AEBP2: variants seen among roughly 807,000 people sequenced by gnomAD.
The protein encoded by AEBP2 is zinc finger protein AEBP2.
A neutral mutation model predicts 50.8 loss-of-function variants in AEBP2; 10 were observed. The ratio of observed to expected loss-of-function variants is 0.20; its 90% CI spans 0.12 to 0.33. The LOEUF (loss-of-function observed/expected upper bound fraction) is 0.33, where lower values mean the gene tolerates loss of function less well. AEBP2 is among the 10% of genes least tolerant of loss of function. The pLI, the probability that AEBP2 is intolerant of heterozygous loss-of-function variation, is 1.00. For missense variants in AEBP2, 570 were observed against 688.0 expected, an observed-to-expected ratio of 0.83 and a Z score of 1.92; for synonymous variants, 296 against 261.3, an observed-to-expected ratio of 1.13 and a Z score of -1.28.
intron 3 of AEBP2, among the ~76,000 whole-genome samples, chr12:19,486,807 T>C (rs1432885118): frequency 6.7e-6 from 1 of 150,228 alleles, no homozygotes. Context: ...TCTTTTCTTT[T>C]CTTTTTTTTT....
chr12:19,460,503 G>A (rs1461264574), intron 1 of AEBP2, among the ~76,000 whole-genome samples: 2 of 151,546 alleles, frequency 1.3e-5, no homozygotes, highest in South Asian at 4.2e-4. Flanking sequence ...ACAGGCGTGT[G>A]CCACCATGCC....
intron 5 of AEBP2, among the ~76,000 whole-genome samples, chr12:19,512,125 G>A (rs974155118): frequency 1.3e-5 from 2 of 152,002 alleles, no homozygotes; most frequent in African/African-American, 4.8e-5. Flanking sequence ...GGGTTCAAGT[G>A]ATTCTCCTGC....
intron 1 of AEBP2, among the ~76,000 whole-genome samples, chr12:19,411,655 G>A (rs193001710): frequency 1.2e-4 from 18 of 152,322 alleles, no homozygotes; most frequent in Non-Finnish European, 2.2e-4. Flanking sequence ...TTATTACTAT[G>A]ATTATTCTTC....
At chr12:19,503,981 G>A (rs1332483194) in intron 5 of AEBP2, among the ~76,000 whole-genome samples, 2 of 151,930 alleles carry the variant, frequency 1.3e-5, no homozygotes, top group Non-Finnish European at 2.9e-5. Flanking sequence ...ACAGGCATGA[G>A]CTACCACACC....
At chr12:19,457,980 A>G (rs1948301482) in intron 1 of AEBP2, among the ~76,000 whole-genome samples, 1 of 152,214 alleles carries the variant, frequency 6.6e-6, no homozygotes, top group Admixed American at 6.5e-5. Flanking sequence ...ATCAGGGTGT[A>G]TAGGTCTTCA....
In AEBP2 at chr12:19,440,349, G is replaced by T; in HGVS notation, c.650G>T (p.Ser217Ile). Residue 217 changes from serine (S) to isoleucine (I), a missense_variant, in exon 1 of 8, where the codon AGC becomes ATC. Physicochemically the swap from Ser to Ile is moderately radical, Grantham distance 142 (BLOSUM62 -2). This residue lies in a region of AEBP2 where 386 missense variants were observed against 336.8 expected (regional missense o/e 1.15). Transcript: ENST00000266508. ...LEMSSDGEPL[S>I]RMDSEDSISS... ...ATGTCGTCGGATGGGGAACCCCTGAGCCGCATGGACTCGGAGGACAGGTCA... is the reference window on the plus strand; with the variant it reads ...ATGTCGTCGGATGGGGAACCCCTGATCCGCATGGACTCGGAGGACAGGTCA... 1 of 1,470,964 alleles carries T rather than the reference G, an allele frequency of 6.8e-7. No individual in the cohort carries two copies. The allele number at this position is 1,470,964 out of a possible 1,614,324, so 91.1% of individuals were successfully genotyped here.
chr12:19,501,743 A>G (rs1949080290), intron 5 of AEBP2, among the ~76,000 whole-genome samples: 1 of 146,660 alleles, frequency 6.8e-6, no homozygotes, highest in Non-Finnish European at 1.5e-5. Flanking sequence ...ATTGATATCA[A>G]TATGTTGTTT....
intron 6 of AEBP2, among the ~76,000 whole-genome samples, chr12:19,513,588 G>A (rs1949269242): frequency 1.3e-5 from 2 of 151,988 alleles, no homozygotes; most frequent in South Asian, 4.1e-4. Context: ...GTGAATCCTC[G>A]TCTCTACAGG....
At chr12:19,412,195 T>G (rs1409397503) in intron 1 of AEBP2, among the ~76,000 whole-genome samples, 1 of 152,238 alleles carries the variant, frequency 6.6e-6, no homozygotes, top group East Asian at 1.9e-4. Context: ...ATCTTAAGAT[T>G]CAAAATTGAA....
At chr12:19,437,214 CT>C (rs912733127), upstream of AEBP2, among the ~76,000 whole-genome samples, 3 of 152,282 alleles carry the variant, frequency 2.0e-5, no homozygotes, top group Non-Finnish European at 4.4e-5. Flanking sequence ...AGTTCATTCT[CT>C]TTTTGTACAA....
intron 5 of AEBP2, among the ~76,000 whole-genome samples, chr12:19,503,255 A>G (rs1276539409): frequency 2.6e-5 from 4 of 151,942 alleles, no homozygotes; most frequent in East Asian, 1.9e-4. Context: ...TGTGTCATCT[A>G]TGATTTCTTT....
At chr12:19,496,815 C>G (rs1012067175) in intron 4 of AEBP2, among the ~76,000 whole-genome samples, 1 of 151,492 alleles carries the variant, frequency 6.6e-6, no homozygotes, top group Admixed American at 6.6e-5. Context: ...GCACACACCA[C>G]CACACCCAAC....
upstream of AEBP2, among the ~76,000 whole-genome samples, chr12:19,436,740 A>G (rs1040186435): frequency 3.3e-5 from 5 of 151,298 alleles, no homozygotes; most frequent in African/African-American, 1.2e-4. Flanking sequence ...ACAGGTGCAC[A>G]CCACCACACC....
rs368374180 is a variant in AEBP2 at position 19,459,078 on chromosome 12, C to T, written c.672-3432C>T. 1.1e-4 allele frequency among the ~76,000 whole-genome samples: 17 copies of T among 152,230 alleles called. No homozygotes were observed. The South Asian group carries it at 1.2e-3, about 11-fold the overall frequency. ...TATAAATTGGTTATGATTGGTTGTT[C>T]ACTTAGAATTATTAGTATTTGCCTT... is the stretch of plus-strand genomic sequence containing the variant. On this transcript the variant is annotated intron_variant, in intron 1 of 7. Coordinates refer to ENST00000266508, the MANE Select transcript of AEBP2 (RefSeq NM_153207.5).
intron 3 of AEBP2, among the ~76,000 whole-genome samples, chr12:19,488,728 G>A (rs565918878): frequency 1.3e-5 from 2 of 151,662 alleles, no homozygotes; most frequent in Middle Eastern, 3.4e-3. Context: ...AAATTTGTTC[G>A]GAAAAAGAAA....
Position 19,479,663 on chromosome 12 carries a change from T to G in AEBP2, c.987+6308T>G, listed in dbSNP as rs144538428. On this transcript the variant is annotated intron_variant, in intron 3 of 7. Transcript: ENST00000266508. ...TGGGTGCATATATATTTAGGATTGT[T>G]ATTTTCCTGTTGGACTAATTCTTTT... Among the ~76,000 whole-genome samples the G allele has an allele frequency of 5.8e-3, 836 of 145,094 alleles. 5 individuals carry two copies. Among genetic ancestry groups the G allele is most frequent in the African/African-American group, 0.02 (809 of 40,652 alleles).
chr12:19,496,208 C>G (rs1316176531), intron 4 of AEBP2, among the ~76,000 whole-genome samples: 1 of 152,168 alleles, frequency 6.6e-6, no homozygotes, highest in African/African-American at 2.4e-5. Context: ...CCAGTTCTTG[C>G]TTAGAAACAA....
intron 3 of AEBP2, among the ~76,000 whole-genome samples, chr12:19,479,422 A>G (rs902015109): frequency 2.6e-5 from 4 of 152,328 alleles, no homozygotes; most frequent in South Asian, 2.1e-4. Context: ...AGAGATGTAG[A>G]TATCCAAATA....
At chr12:19,459,950 A>C (rs1278115052) in intron 1 of AEBP2, among the ~76,000 whole-genome samples, 2 of 152,232 alleles carry the variant, frequency 1.3e-5, no homozygotes, top group African/African-American at 2.4e-5. Context: ...AGCTCGGTGC[A>C]GTGGCTAATG....
Sources: gnomAD v4.1 joint callset for allele counts (sites outside exome capture counted in the v4.1 genomes callset) on GRCh38, gnomAD v4.1.1 for gene constraint, gnomAD v4.1.1 regional missense constraint, MANE v1.5 for transcripts, NCBI Gene and HGNC (gene_info 2026-07-23, HGNC 2026-07-21) for gene names.